SHTN1: variants seen among roughly 807,000 people sequenced by gnomAD.
SHTN1 encodes the protein shootin 1, also known as shootin-1.
In SHTN1, 42 loss-of-function variants were observed where a neutral mutation model predicts 83.1. That is an observed-to-expected ratio of 0.51 (90% CI 0.39 to 0.65). SHTN1 has a LOEUF of 0.65. Among genes scored for constraint, SHTN1 ranks in the 30% least tolerant of loss-of-function variants. The pLI, the probability that SHTN1 is intolerant of heterozygous loss-of-function variation, is 0.00. For missense variants in SHTN1, 622 were observed against 737.8 expected (o/e 0.84, Z 1.82); for synonymous variants, 224 against 247.7 (o/e 0.90, Z 0.90).
At chr10:116,892,339 T>C (rs2133305251) in intron 16 of SHTN1, among the ~76,000 whole-genome samples, 1 of 152,326 alleles carries the variant, frequency 6.6e-6, no homozygotes, top group Middle Eastern at 3.4e-3. Flanking sequence ...ACACTGACAA[T>C]GCGTGAACTA....
intron 2 of SHTN1, 124 bp downstream of exon 2, chr10:116,979,122 GAGAAAAGGGA>G: frequency 1.4e-6 from 1 of 721,066 alleles, no homozygotes; most frequent in South Asian, 1.8e-5. Context: ...ACACATGCAA[GAGAAAAGGGA>G]AGAAAAGAAA....
chr10:117,006,231 T>G (rs1026053511), upstream of SHTN1, among the ~76,000 whole-genome samples: 19 of 20,952 alleles, frequency 9.1e-4, no homozygotes, highest in Non-Finnish European at 0.015. Flanking sequence ...TATAATGCAG[T>G]TTTTTTTTGT....
At chr10:116,957,112 A>T (rs1365587658) in intron 4 of SHTN1, among the ~76,000 whole-genome samples, 1 of 151,938 alleles carries the variant, frequency 6.6e-6, no homozygotes, top group African/African-American at 2.4e-5. Context: ...TTATGTGCAT[A>T]CTATTTGAAC....
chr10:116,974,508 C>T (rs1259829099), intron 2 of SHTN1, among the ~76,000 whole-genome samples: 1 of 152,024 alleles, frequency 6.6e-6, no homozygotes, highest in Non-Finnish European at 1.5e-5. Context: ...TATCATATAT[C>T]CTGCTTCTTG....
At chr10:117,112,109 G>A (rs2133639636) in intron 1 of SHTN1, among the ~76,000 whole-genome samples, 1 of 152,174 alleles carries the variant, frequency 6.6e-6, no homozygotes, top group African/African-American at 2.4e-5. Flanking sequence ...GGAATTACAG[G>A]CACACGCCAC....
intron 13 of SHTN1, among the ~76,000 whole-genome samples, chr10:116,912,199 T>C (rs935262202): frequency 2.0e-5 from 3 of 152,210 alleles, no homozygotes; most frequent in African/African-American, 7.2e-5. Context: ...GGATAAACTG[T>C]CCTCTACCTG....
At chr10:117,091,026 G>A (rs922595366) in intron 1 of SHTN1, among the ~76,000 whole-genome samples, 2 of 152,104 alleles carry the variant, frequency 1.3e-5, no homozygotes, top group East Asian at 1.9e-4. Flanking sequence ...CAGTGTGTGT[G>A]GTAGCACTAA....
At chr10:117,004,720 T>C (rs1397128533) in intron 1 of SHTN1, among the ~76,000 whole-genome samples, 1 of 152,134 alleles carries the variant, frequency 6.6e-6, no homozygotes, top group African/African-American at 2.4e-5. Context: ...TGCAACCTCG[T>C]CCGCACTGAA....
chr10:117,087,888 A>G (rs1473315653), intron 1 of SHTN1, among the ~76,000 whole-genome samples: 1 of 152,196 alleles, frequency 6.6e-6, no homozygotes, highest in African/African-American at 2.4e-5. Context: ...GGACTGCTTG[A>G]GACCAGGAGC....
chr10:116,900,493 G>A, intron 16 of SHTN1: 1 of 1,468,730 alleles, frequency 6.8e-7, no homozygotes, highest in Non-Finnish European at 9.2e-7. Flanking sequence ...GAGAACAAAA[G>A]GCAGACAAAA....
chr10:117,095,830 C>T (rs1331137581), intron 1 of SHTN1, among the ~76,000 whole-genome samples: 1 of 152,148 alleles, frequency 6.6e-6, no homozygotes, highest in African/African-American at 2.4e-5. Context: ...GGACAAGATT[C>T]TGCAAGCAGC....
intron 2 of SHTN1, among the ~76,000 whole-genome samples, chr10:117,037,998 C>CAAAAAAA (rs71013632): frequency 7.9e-5 from 6 of 75,490 alleles, no homozygotes; most frequent in East Asian, 4.5e-4. Flanking sequence ...AGCGAGACTT[C>CAAAAAAA]AAAAAAAAAA....
chr10:117,076,323 A>G (rs1471454189), intron 1 of SHTN1, among the ~76,000 whole-genome samples: 1 of 152,184 alleles, frequency 6.6e-6, no homozygotes, highest in Admixed American at 6.6e-5. Context: ...GATTTGACAT[A>G]CAGTTACATC....
intron 12 of SHTN1, among the ~76,000 whole-genome samples, chr10:116,915,858 G>A (rs1848364849): frequency 6.6e-6 from 1 of 152,066 alleles, no homozygotes; most frequent in African/African-American, 2.4e-5. Flanking sequence ...ACAACTTACT[G>A]TACATCCTAT....
chr10:116,922,895 G>A (rs920765310), intron 11 of SHTN1, among the ~76,000 whole-genome samples: 23 of 152,020 alleles, frequency 1.5e-4, no homozygotes, highest in Non-Finnish European at 1.3e-4. Context: ...GAACCTGGGA[G>A]GCGGAAGTTG....
intron 1 of SHTN1, among the ~76,000 whole-genome samples, chr10:116,982,728 G>A (rs182458406): frequency 2.0e-5 from 3 of 152,190 alleles, no homozygotes; most frequent in South Asian, 2.1e-4. Context: ...AGGCCAAGGT[G>A]GGGGGGAATC....
At chr10:117,003,619 G>C (rs1042232491) in intron 1 of SHTN1, among the ~76,000 whole-genome samples, 7 of 151,936 alleles carry the variant, frequency 4.6e-5, no homozygotes, top group Admixed American at 2.0e-4. Flanking sequence ...CAGGACCTCA[G>C]AAAGTCCTCC....
chr10:116,888,482 G>C (rs1443740824), intron 16 of SHTN1, among the ~76,000 whole-genome samples: 4 of 152,230 alleles, frequency 2.6e-5, no homozygotes, highest in African/African-American at 7.2e-5. Flanking sequence ...GCAGTCAGCT[G>C]TTCTGACAGT....
At chr10:116,985,843 T>C (rs941332366) in intron 1 of SHTN1, among the ~76,000 whole-genome samples, 1 of 152,234 alleles carries the variant, frequency 6.6e-6, no homozygotes, top group African/African-American at 2.4e-5. Context: ...TATTCCCTTC[T>C]GTACACATCC....
Sources: gnomAD v4.1 joint callset for allele counts (sites outside exome capture counted in the v4.1 genomes callset) on GRCh38, gnomAD v4.1.1 for gene constraint, MANE v1.5 for transcripts, NCBI Gene and HGNC (gene_info 2026-07-23, HGNC 2026-07-21) for gene names.